The following RUNDC1 variants were observed in gnomAD, a reference collection of about 807,000 sequenced individuals.
RUNDC1 encodes RUN domain containing 1, also known as RUN domain-containing protein 1.
In RUNDC1, 31 loss-of-function variants were observed where a neutral mutation model predicts 49.3. The observed-to-expected ratio is 0.63, with a 90% CI of 0.47 to 0.85. The LOEUF (loss-of-function observed/expected upper bound fraction) is 0.85. RUNDC1 is among the 40% of genes least tolerant of loss of function. The probability of loss-of-function intolerance (pLI) is 0.00; values close to 1 mark genes in which losing one functional copy is unlikely to be tolerated. For synonymous variants in RUNDC1, 347 were observed against 348.6 expected, an observed-to-expected ratio of 1.00 and a Z score of 0.05; for missense variants, 715 against 806.7, an observed-to-expected ratio of 0.89 and a Z score of 1.38.
intron 3 of RUNDC1, among the ~76,000 whole-genome samples, 178 bp downstream of exon 3, chr17:42,989,717 C>T (rs2050214407): frequency 1.3e-5 from 2 of 152,092 alleles, no homozygotes; most frequent in African/African-American, 2.4e-5. Context: ...TTACTGCAAC[C>T]GCCGCCTCCC....
rs765705110 is a variant in RUNDC1, at chr17:42,987,350, C to T, written c.593C>T (p.Thr198Met). 15 of 1,614,046 alleles carry T rather than the reference C, an allele frequency of 9.3e-6. No individual in the cohort carries two copies. The highest frequency in any genetic ancestry group is 2.2e-5 in the East Asian group (1 of 44,872). Reference sequence around the variant, plus strand: ...AAGACCCAGCTAGATGACCTGGAAACGTTTGCCTATCAAGAGGGCAGTTAT... The same window carrying T: ...AAGACCCAGCTAGATGACCTGGAAATGTTTGCCTATCAAGAGGGCAGTTAT... ...QLKTQLDDLE[T>M]FAYQEGSYDS... is the part of the protein sequence containing the mutation. Residue 198 changes from threonine (T) to methionine (M), a missense_variant, in exon 2 of 5, where the codon ACG (threonine) becomes ATG (methionine). This residue lies in a region of RUNDC1 where 15 missense variants were observed against 47.9 expected (regional missense o/e 0.31). Coordinates refer to ENST00000361677, the MANE Select transcript of RUNDC1 (RefSeq NM_173079.5).
Position 42,991,076 on chromosome 17 carries a change from C to T in RUNDC1, c.1202C>T (p.Pro401Leu), listed in dbSNP as rs779218299. ...RVKQLALRQQ[P>L]HDHVITSANL... ...AAGCAGCTAGCCTTGAGGCAGCAGCCACATGACCATGTCATCACCTCTGCC... is the reference window on the plus strand; with the variant it reads ...AAGCAGCTAGCCTTGAGGCAGCAGCTACATGACCATGTCATCACCTCTGCC... The change falls in exon 5 of 5, where the codon CCA (proline) becomes CTA (leucine). Residue 401 changes from proline to leucine, a missense_variant. By Grantham distance (98) the Pro-to-Leu change is moderately conservative (BLOSUM62 -3). Around this residue, in one of 5 missense-constraint regions of RUNDC1, gnomAD observed 425 missense variants for 499.7 expected, o/e 0.85. Coordinates refer to ENST00000361677, the MANE Select transcript of RUNDC1 (RefSeq NM_173079.5). 1.2e-6 allele frequency: 2 copies of T among 1,614,126 alleles called. No homozygotes were observed. Among genetic ancestry groups the T allele is most frequent in the Non-Finnish European group, 1.7e-6 (2 of 1,180,008 alleles).
Position 42,980,721 on chromosome 17 carries a change from G to C in RUNDC1, c.145G>C (p.Ala49Pro). 6.5e-7 allele frequency: 1 copy of C among 1,544,450 alleles called. No homozygotes were observed. Among genetic ancestry groups the C allele is most frequent in the Non-Finnish European group, 8.7e-7 (1 of 1,148,742 alleles). ...RWAPVGAVAE[A>P]RPGATAFLEE... Reference sequence around the variant, plus strand: ...GGCCCCAGTGGGGGCGGTGGCGGAGGCCCGGCCTGGGGCAACCGCGTTTTT... The same window carrying C: ...GGCCCCAGTGGGGGCGGTGGCGGAGCCCCGGCCTGGGGCAACCGCGTTTTT... Residue 49 changes from alanine (A) to proline (P), a missense_variant, in exon 1 of 5, where the codon GCC (alanine) becomes CCC (proline). By Grantham distance (27) the Ala-to-Pro change is conservative (BLOSUM62 -1). Around this residue, in one of 5 missense-constraint regions of RUNDC1, gnomAD observed 153 missense variants for 139.4 expected, o/e 1.10. Coordinates refer to ENST00000361677, the MANE Select transcript of RUNDC1 (RefSeq NM_173079.5).
chr17:42,985,171 G>A (rs1372545837), intron 1 of RUNDC1, among the ~76,000 whole-genome samples: 1 of 152,156 alleles, frequency 6.6e-6, no homozygotes, highest in Non-Finnish European at 1.5e-5. Flanking sequence ...ACAGGCATGA[G>A]CCACTGCGTT....
intron 3 of RUNDC1, 141 bp from the exon 4 acceptor site, chr17:42,990,176 C>T (rs1381963652): frequency 9.4e-7 from 1 of 1,061,936 alleles, no homozygotes; most frequent in East Asian, 2.5e-5. Context: ...TACTGTATGC[C>T]AGTCCTCATT....
At chr17:42,987,512 C>T (rs2050187145) in intron 2 of RUNDC1, 98 bp downstream of exon 2, 8 of 1,179,936 alleles carry the variant, frequency 6.8e-6, no homozygotes, top group Non-Finnish European at 9.7e-6. Flanking sequence ...TCTCCTTTGG[C>T]CTTACTGAGA....
intron 3 of RUNDC1, 139 bp downstream of exon 3, chr17:42,989,678 T>A: frequency 3.9e-6 from 3 of 778,218 alleles, no homozygotes; most frequent in Non-Finnish European, 6.2e-6. Flanking sequence ...TCTGTTCCCC[T>A]GGCTGGAGTG....
chr17:42,980,724 C>T lies in RUNDC1; in HGVS notation c.148C>T (p.Arg50Trp), dbSNP rs2050064674. The T allele has an allele frequency of 2.6e-6, 4 of 1,537,702 alleles. No individual in the cohort carries two copies. In the South Asian group the frequency reaches 3.6e-5, roughly 14 times the overall value. Residue 50 changes from arginine to tryptophan, a missense_variant, in exon 1 of 5, where the codon CGG (arginine) becomes TGG (tryptophan). Transcript: ENST00000361677. Reference protein sequence around the residue: ...WAPVGAVAEARPGATAFLEEA... With the variant: ...WAPVGAVAEAWPGATAFLEEA... ...CCCAGTGGGGGCGGTGGCGGAGGCCCGGCCTGGGGCAACCGCGTTTTTAGA... is the reference window on the plus strand; with the variant it reads ...CCCAGTGGGGGCGGTGGCGGAGGCCTGGCCTGGGGCAACCGCGTTTTTAGA...
chr17:42,983,951 T>C (rs1218200929), intron 1 of RUNDC1, among the ~76,000 whole-genome samples: 1 of 151,872 alleles, frequency 6.6e-6, no homozygotes, highest in Non-Finnish European at 1.5e-5. Flanking sequence ...CCCAAAGTGC[T>C]GGGATTATAG....
At chr17:42,985,602 CTT>C (rs71157692) in intron 1 of RUNDC1, 152 of 170,798 alleles carry the variant, frequency 8.9e-4, no homozygotes, top group Non-Finnish European at 1.4e-3. Context: ...TTGTTGTTTT[CTT>C]TTTTTTTTTT....
intron 3 of RUNDC1, among the ~76,000 whole-genome samples, chr17:42,989,834 C>T (rs1402333254): frequency 6.6e-6 from 1 of 152,050 alleles, no homozygotes; most frequent in Non-Finnish European, 1.5e-5. Flanking sequence ...GGTGTTTCAG[C>T]ATGTTGGCCA....
At position 42,991,527 on chromosome 17, in the gene RUNDC1, G is replaced by C. The variant is rs1336695386; in HGVS notation, c.1653G>C (p.Leu551=). 3.7e-6 allele frequency: 6 copies of C among 1,614,146 alleles called. No homozygotes were observed. Among genetic ancestry groups the C allele is most frequent in the Non-Finnish European group, 5.1e-6 (6 of 1,180,028 alleles). ...GCATGGCACTGAATGAGCAGCGTCT[G>C]GTGTCCTGGGTGAACCTCATCTGCA... ...LVCMALNEQR[L]VSWVNLICKS... The change falls in exon 5 of 5, where the codon CTG becomes CTC. Residue 551 remains leucine, a synonymous_variant. Transcript: ENST00000361677.
chr17:42,989,317 G>A, intron 2 of RUNDC1, 24 bp from the exon 3 acceptor site: 2 of 1,593,784 alleles, frequency 1.3e-6, no homozygotes, highest in Non-Finnish European at 8.6e-7. Flanking sequence ...CAAAGGGTGT[G>A]CTCATTGCTT....
Position 42,990,990 on chromosome 17 carries a change from C to G in RUNDC1, c.1116C>G (p.Val372=). 2 of 1,614,164 alleles carry G rather than the reference C, an allele frequency of 1.2e-6. No individual in the cohort carries two copies. Among genetic ancestry groups the G allele is most frequent in the Non-Finnish European group, 1.7e-6 (2 of 1,179,992 alleles). ...TCCCTCCAACCCTGTGGCAGAGGGT[C>G]CAGGCTGACAGAGACTACTCTCCCT... The part of the protein sequence containing the change: ...GQIPPTLWQR[V]QADRDYSPLL... The change falls in exon 5 of 5, where the codon GTC becomes GTG. Residue 372 remains valine (V), a synonymous_variant. Coordinates refer to ENST00000361677, the MANE Select transcript of RUNDC1 (RefSeq NM_173079.5).
Position 42,994,536 on chromosome 17 carries a change from C to A in RUNDC1, c.*2820C>A, listed in dbSNP as rs1234701116. 1.3e-5 allele frequency among the ~76,000 whole-genome samples: 2 copies of A among 152,164 alleles called. No individual in the cohort carries two copies. Among genetic ancestry groups the A allele is most frequent in the Non-Finnish European group, 2.9e-5 (2 of 68,032 alleles). The stretch of plus-strand genomic sequence containing the variant: ...TCATGTTGTTTCTAGATTTTGGTTT[C>A]TCTTTCTCCTTTATCCACCACCCTC... On this transcript the variant is annotated 3_prime_UTR_variant, in exon 5 of 5. Transcript: ENST00000361677.
At chr17:42,982,831 A>C (rs1304066899) in intron 1 of RUNDC1, among the ~76,000 whole-genome samples, 3 of 151,306 alleles carry the variant, frequency 2.0e-5, no homozygotes, top group Non-Finnish European at 4.4e-5. Flanking sequence ...AAAAAAAAAA[A>C]AAAAAACTAG....
In RUNDC1 at chr17:42,988,951, T is replaced by C. The variant is rs562793180; in HGVS notation, c.658-390T>C. ...ACGCTCACATTACTGGACCCTAGCC[T>C]GGGTGACTGAGCAAGACCCTGTCTC... On this transcript the variant is annotated intron_variant, in intron 2 of 4. Coordinates refer to ENST00000361677, the MANE Select transcript of RUNDC1 (RefSeq NM_173079.5). Among the ~76,000 whole-genome samples the C allele has an allele frequency of 5.9e-5, 9 of 152,330 alleles. No homozygotes were observed. In the Middle Eastern group the frequency reaches 0.014, roughly 230 times the overall value.
At position 42,991,856 on chromosome 17, in the gene RUNDC1, CAA is replaced by C; in HGVS notation, c.*142_*143del. 2 of 856,670 alleles carry C rather than the reference CAA, an allele frequency of 2.3e-6. No individual in the cohort carries two copies. The highest frequency in any genetic ancestry group is 3.6e-6 in the Non-Finnish European group (2 of 561,066). 53.1% of individuals were successfully genotyped at this position (856,670 alleles called of 1,614,324 possible). On this transcript the variant is annotated 3_prime_UTR_variant, in exon 5 of 5. Transcript: ENST00000361677. ...GCTCAGGCAGTCGGCCAAATGAGTG[CAA>C]AGTCTGTTTTCCCCACCAACTTAGC... is the stretch of plus-strand genomic sequence containing the variant.
intron 1 of RUNDC1, chr17:42,981,796 C>T (rs570785388): frequency 1.6e-4 from 25 of 152,068 alleles, no homozygotes; most frequent in African/African-American, 5.5e-4. Flanking sequence ...TTAAACTCTT[C>T]CTCCATCCTG....
Sources: allele counts gnomAD v4.1 joint callset (sites outside exome capture counted in the v4.1 genomes callset), GRCh38; gene constraint gnomAD v4.1.1; regional missense constraint gnomAD v4.1.1; transcripts MANE v1.5; gene names NCBI Gene and HGNC (gene_info 2026-07-23, HGNC 2026-07-21).